The following RABGAP1L variants were observed in gnomAD, a reference collection of about 807,000 sequenced individuals.
The protein encoded by RABGAP1L is rab GTPase-activating protein 1-like.
A neutral mutation model predicts 137.7 loss-of-function variants in RABGAP1L; 63 were observed. The ratio of observed to expected loss-of-function variants is 0.46; its 90% CI spans 0.37 to 0.56. RABGAP1L has a LOEUF of 0.56. Ranked by LOEUF, RABGAP1L falls within the 20% of genes least tolerant of loss-of-function variation. The probability of loss-of-function intolerance (pLI) is 0.00; values close to 1 mark genes in which losing one functional copy is unlikely to be tolerated. For synonymous variants in RABGAP1L, 431 were observed against 433.7 expected (o/e 0.99, Z 0.08); for missense variants, 1,095 against 1,244.0 (o/e 0.88, Z 1.80).
chr1:174,893,527 G>C (rs529026022), intron 19 of RABGAP1L, among the ~76,000 whole-genome samples: 1 of 152,138 alleles, frequency 6.6e-6, no homozygotes, highest in African/African-American at 2.4e-5. Context: ...ATAAATTACA[G>C]CATAATTGTT....
At chr1:174,164,874 C>T (rs1441148987) in intron 1 of RABGAP1L, among the ~76,000 whole-genome samples, 2 of 152,186 alleles carry the variant, frequency 1.3e-5, no homozygotes, top group South Asian at 2.1e-4. Flanking sequence ...ATACTAAGAG[C>T]CTCAAGGCCA....
chr1:174,620,686 A>C (rs1444927478), intron 13 of RABGAP1L, among the ~76,000 whole-genome samples: 1 of 152,230 alleles, frequency 6.6e-6, no homozygotes, highest in African/African-American at 2.4e-5. Context: ...AAAGCAGGAA[A>C]GATCTAAAAT....
intron 19 of RABGAP1L, among the ~76,000 whole-genome samples, chr1:174,894,246 A>ATG (rs1406643108): frequency 6.6e-6 from 1 of 152,234 alleles, no homozygotes; most frequent in Non-Finnish European, 1.5e-5. Flanking sequence ...TTATTCCTTC[A>ATG]TGTAAAAGAA....
chr1:174,790,217 A>G (rs1187064660), intron 18 of RABGAP1L, among the ~76,000 whole-genome samples: 1 of 152,106 alleles, frequency 6.6e-6, no homozygotes, highest in East Asian at 1.9e-4. Context: ...CTCAAAAAAA[A>G]AAAAGAGAAT....
At chr1:174,172,150 T>G (rs1189829878) in intron 1 of RABGAP1L, among the ~76,000 whole-genome samples, 3 of 151,382 alleles carry the variant, frequency 2.0e-5, no homozygotes, top group Non-Finnish European at 2.9e-5. Flanking sequence ...CTCCTTTTTT[T>G]TTTTTTAAGG....
chr1:174,482,877 T>G (rs938683762), intron 13 of RABGAP1L, among the ~76,000 whole-genome samples: 1 of 152,200 alleles, frequency 6.6e-6, no homozygotes, highest in Non-Finnish European at 1.5e-5. Flanking sequence ...GTGGGGCTGC[T>G]ACATAGTAGA....
chr1:174,273,931 G>A (rs1444630437), intron 8 of RABGAP1L, among the ~76,000 whole-genome samples: 1 of 151,998 alleles, frequency 6.6e-6, no homozygotes, highest in East Asian at 1.9e-4. Flanking sequence ...ACAAATAGTT[G>A]GGCAAATGAG....
At position 174,420,291 on chromosome 1, in the gene RABGAP1L, T is replaced by TAAA. The variant is rs1395937649; in HGVS notation, c.1710+26146_1710+26147insAAA. On this transcript the variant is annotated intron_variant, in intron 13 of 25. Transcript: ENST00000681986. ...CAGCTCTCTGGGAAAACCTGGCCAG[T>TAAA]GTTTTTGCTGTGGAAATGTAGTGGC... Among the ~76,000 whole-genome samples the TAAA allele has an allele frequency of 3.3e-5, 5 of 151,694 alleles. No individual in the cohort carries two copies. In the South Asian group the frequency reaches 1.0e-3, roughly 32 times the overall value.
intron 19 of RABGAP1L, among the ~76,000 whole-genome samples, chr1:174,868,586 A>G (rs1453403398): frequency 6.6e-6 from 1 of 152,210 alleles, no homozygotes; most frequent in Non-Finnish European, 1.5e-5. Context: ...AGTTATGAAG[A>G]AGGATTATTT....
intron 13 of RABGAP1L, among the ~76,000 whole-genome samples, chr1:174,455,229 ATAG>A (rs1279755539): frequency 1.3e-5 from 2 of 152,192 alleles, no homozygotes; most frequent in African/African-American, 4.8e-5. Context: ...GTAGTACATA[ATAG>A]TAGAATTCAT....
At chr1:174,325,261 C>A (rs1479971250) in intron 11 of RABGAP1L, among the ~76,000 whole-genome samples, 1 of 152,146 alleles carries the variant, frequency 6.6e-6, no homozygotes, top group Non-Finnish European at 1.5e-5. Flanking sequence ...ATTTTAGCAT[C>A]GTGGCAGTTT....
At chr1:174,524,434 C>T (rs576711721) in intron 13 of RABGAP1L, among the ~76,000 whole-genome samples, 8 of 151,940 alleles carry the variant, frequency 5.3e-5, no homozygotes, top group South Asian at 4.2e-4. Context: ...TATACCTGTT[C>T]GTCATTTGTA....
chr1:174,614,799 A>T (rs1671638599), intron 13 of RABGAP1L, among the ~76,000 whole-genome samples: 1 of 151,716 alleles, frequency 6.6e-6, no homozygotes, highest in South Asian at 2.1e-4. Flanking sequence ...TTTTCTCTAA[A>T]CTTCCCTTCT....
intron 13 of RABGAP1L, among the ~76,000 whole-genome samples, chr1:174,570,956 G>T (rs559889332): frequency 1.6e-4 from 24 of 152,328 alleles, no homozygotes; most frequent in Non-Finnish European, 3.1e-4. Flanking sequence ...ATATGGAAGA[G>T]ATACCTGCAC....
chr1:174,846,258 C>A (rs1694038321), intron 19 of RABGAP1L, among the ~76,000 whole-genome samples: 1 of 142,010 alleles, frequency 7.0e-6, no homozygotes, highest in African/African-American at 2.6e-5. Context: ...TTATTTCTTG[C>A]CTTCTGCTAG....
intron 19 of RABGAP1L, chr1:174,849,740 A>G (rs1042305545): frequency 1.5e-5 from 7 of 479,820 alleles, no homozygotes; most frequent in Non-Finnish European, 2.9e-5. Context: ...TCTGTTCTAA[A>G]TGGTATTCTT....
intron 19 of RABGAP1L, among the ~76,000 whole-genome samples, chr1:174,903,525 T>C (rs1017047382): frequency 1.3e-5 from 2 of 152,192 alleles, no homozygotes; most frequent in African/African-American, 4.8e-5. Flanking sequence ...AAAATGTTCA[T>C]GTGGGGTATG....
intron 24 of RABGAP1L, among the ~76,000 whole-genome samples, chr1:174,984,311 T>C (rs1358489131): frequency 3.3e-5 from 5 of 152,228 alleles, no homozygotes; most frequent in African/African-American, 1.2e-4. Flanking sequence ...GCAAAGGTTT[T>C]ATTGAGCATA....
At chr1:174,981,537 CCT>C (rs973819393) in intron 23 of RABGAP1L, among the ~76,000 whole-genome samples, 1 of 137,318 alleles carries the variant, frequency 7.3e-6, no homozygotes, top group African/African-American at 2.7e-5. Context: ...TTTCACATCC[CCT>C]GTTTTTCCAT....
Sources: allele counts gnomAD v4.1 joint callset (sites outside exome capture counted in the v4.1 genomes callset), GRCh38; gene constraint gnomAD v4.1.1; transcripts MANE v1.5; gene names NCBI Gene and HGNC (gene_info 2026-07-23, HGNC 2026-07-21).